SLC24A2: variants seen among roughly 807,000 people sequenced by gnomAD.
The protein encoded by SLC24A2 is sodium/potassium/calcium exchanger 2.
A neutral mutation model predicts 62.0 loss-of-function variants in SLC24A2; 36 were observed. The observed-to-expected ratio is 0.58, with a 90% CI of 0.44 to 0.77. SLC24A2 has a LOEUF of 0.77. Among genes scored for constraint, SLC24A2 ranks in the 30% least tolerant of loss-of-function variants. SLC24A2 has a pLI of 0.00. For missense variants in SLC24A2, 846 were observed against 817.9 expected (o/e 1.03, Z -0.42); for synonymous variants, 358 against 294.0 (o/e 1.22, Z -2.23).
the SLC24A2 span, among the ~76,000 whole-genome samples, chr9:20,062,043 C>T: frequency 6.6e-6 from 1 of 152,048 alleles, no homozygotes; most frequent in Non-Finnish European, 1.5e-5. Flanking sequence ...CAACACCAGC[C>T]TGGGAAACAC....
intron 2 of SLC24A2, among the ~76,000 whole-genome samples, chr9:19,733,324 A>G (rs1587238130): frequency 6.6e-6 from 1 of 152,202 alleles, no homozygotes; most frequent in Admixed American, 6.5e-5. Context: ...GGGTATCAGA[A>G]TCAAAGCTCT....
At chr9:19,778,208 A>T (rs1303424310) in intron 2 of SLC24A2, among the ~76,000 whole-genome samples, 1 of 152,244 alleles carries the variant, frequency 6.6e-6, no homozygotes, top group East Asian at 1.9e-4. Context: ...CACTTGAAAT[A>T]TATTTTTCAA....
the SLC24A2 span, among the ~76,000 whole-genome samples, chr9:19,888,741 T>A: frequency 6.6e-6 from 1 of 152,190 alleles, no homozygotes; most frequent in Non-Finnish European, 1.5e-5. Context: ...ATCTGCTGCC[T>A]CGGTGTCTAG....
chr9:20,002,199 C>A, the SLC24A2 span, among the ~76,000 whole-genome samples: 1 of 152,018 alleles, frequency 6.6e-6, no homozygotes, highest in African/African-American at 2.4e-5. Context: ...ATAGTAATAC[C>A]AATAGCACTA....
chr9:20,039,495 C>A, the SLC24A2 span, among the ~76,000 whole-genome samples: 3 of 151,992 alleles, frequency 2.0e-5, no homozygotes, highest in Admixed American at 2.0e-4. Flanking sequence ...ATGTTATTCC[C>A]ATGGGTGACC....
At chr9:20,122,246 C>T in the SLC24A2 span, among the ~76,000 whole-genome samples, 31,382 of 152,196 alleles carry the variant, frequency 0.21, 3,670 homozygotes, top group East Asian at 0.56. Flanking sequence ...TACTTGTCTA[C>T]TAAGCCCGCC....
intron 2 of SLC24A2, among the ~76,000 whole-genome samples, chr9:19,653,278 C>T (rs143834222): frequency 3.3e-5 from 5 of 152,308 alleles, no homozygotes; most frequent in East Asian, 1.9e-4. Context: ...AGCTCATTGA[C>T]GTTCTGTTAG....
intron 7 of SLC24A2, among the ~76,000 whole-genome samples, chr9:19,563,763 CAT>C (rs1835518445): frequency 2.3e-5 from 2 of 86,614 alleles, no homozygotes; most frequent in Non-Finnish European, 2.2e-5. Flanking sequence ...TCCTTCCTTT[CAT>C]CTGTAACAAA....
the SLC24A2 span, among the ~76,000 whole-genome samples, chr9:20,189,952 T>G: frequency 6.6e-6 from 1 of 152,150 alleles, no homozygotes; most frequent in Non-Finnish European, 1.5e-5. Flanking sequence ...GATGGGCTAT[T>G]CATTCAGACT....
the SLC24A2 span, among the ~76,000 whole-genome samples, chr9:20,178,365 G>T: frequency 6.6e-6 from 1 of 152,110 alleles, no homozygotes. Flanking sequence ...TGTGCAAAGG[G>T]CTTTATTATT....
At chr9:19,651,673 C>T (rs1214714149) in intron 2 of SLC24A2, among the ~76,000 whole-genome samples, 2 of 152,142 alleles carry the variant, frequency 1.3e-5, no homozygotes, top group African/African-American at 2.4e-5. Flanking sequence ...AAAAACATAC[C>T]GCTGCCAGAA....
At chr9:19,610,807 T>A (rs531031110) in intron 4 of SLC24A2, among the ~76,000 whole-genome samples, 1 of 152,344 alleles carries the variant, frequency 6.6e-6, no homozygotes, top group Non-Finnish European at 1.5e-5. Flanking sequence ...AAAATCTACA[T>A]GGCTAGAGAC....
chr9:19,622,321 A>G (rs1817927893), intron 2 of SLC24A2, 22 bp from the exon 3 acceptor site: 1 of 1,607,210 alleles, frequency 6.2e-7, no homozygotes, highest in Admixed American at 1.7e-5. Flanking sequence ...AAAAAGGCAA[A>G]GACAAAAGAC....
the SLC24A2 span, among the ~76,000 whole-genome samples, chr9:20,223,013 A>G: frequency 2.0e-5 from 3 of 152,066 alleles, no homozygotes; most frequent in African/African-American, 7.2e-5. Context: ...TCTAGGAAAT[A>G]AAAAAGAGTC....
the SLC24A2 span, among the ~76,000 whole-genome samples, chr9:20,238,529 A>T: frequency 6.6e-6 from 1 of 152,200 alleles, no homozygotes; most frequent in African/African-American, 2.4e-5. Context: ...AAATTAAGTT[A>T]GTCAGAAAAT....
At chr9:20,154,615 T>A in the SLC24A2 span, among the ~76,000 whole-genome samples, 1 of 149,874 alleles carries the variant, frequency 6.7e-6, no homozygotes, top group Non-Finnish European at 1.5e-5. Flanking sequence ...TATAACCATG[T>A]CAGATTCTTT....
chr9:20,245,346 G>C, the SLC24A2 span, among the ~76,000 whole-genome samples: 1 of 152,242 alleles, frequency 6.6e-6, no homozygotes, highest in South Asian at 2.1e-4. Flanking sequence ...CCTACACCTA[G>C]ATGGTATTGG....
the SLC24A2 span, among the ~76,000 whole-genome samples, chr9:19,900,505 G>C: frequency 6.6e-6 from 1 of 152,126 alleles, no homozygotes; most frequent in Non-Finnish European, 1.5e-5. Flanking sequence ...CTGAGTCCCA[G>C]TTCTTCTTCT....
At chr9:20,036,621 A>G in the SLC24A2 span, among the ~76,000 whole-genome samples, 3 of 152,200 alleles carry the variant, frequency 2.0e-5, no homozygotes, top group Non-Finnish European at 4.4e-5. Context: ...TTCACTTAGC[A>G]AAACATCCTC....
Sources: allele counts gnomAD v4.1 joint callset (sites outside exome capture counted in the v4.1 genomes callset), GRCh38; gene constraint gnomAD v4.1.1; transcripts MANE v1.5; gene names NCBI Gene and HGNC (gene_info 2026-07-23, HGNC 2026-07-21).